SCAPER: variants seen among roughly 807,000 people sequenced by gnomAD.
SCAPER encodes the protein S phase cyclin A-associated protein in the endoplasmic reticulum.
A neutral mutation model predicts 182.2 loss-of-function variants in SCAPER; 98 were observed. The observed-to-expected ratio is 0.54, with a 90% confidence interval of 0.46 to 0.64. SCAPER has a LOEUF of 0.64. Among genes scored for constraint, SCAPER ranks in the 30% least tolerant of loss-of-function variants. SCAPER has a pLI of 0.00. For synonymous variants in SCAPER, 605 were observed against 564.6 expected (o/e 1.07, Z -1.01); for missense variants, 1,432 against 1,690.0 (o/e 0.85, Z 2.68).
chr15:76,813,001 T>C (rs1189745416), intron 5 of SCAPER, among the ~76,000 whole-genome samples: 2 of 135,252 alleles, frequency 1.5e-5, no homozygotes, highest in Non-Finnish European at 3.2e-5. Flanking sequence ...ATGATGAATA[T>C]ACACACAAAA....
At chr15:76,676,424 C>T (rs1031976789) in intron 20 of SCAPER, among the ~76,000 whole-genome samples, 6 of 152,292 alleles carry the variant, frequency 3.9e-5, no homozygotes, top group African/African-American at 1.4e-4. Flanking sequence ...AGTCACATTT[C>T]ATAACAATCT....
chr15:76,782,031 C>A (rs1303184264), intron 8 of SCAPER, among the ~76,000 whole-genome samples: 2 of 152,142 alleles, frequency 1.3e-5, no homozygotes, highest in Non-Finnish European at 2.9e-5. Flanking sequence ...CAAATTCACA[C>A]ATAATAATAT....
intron 15 of SCAPER, among the ~76,000 whole-genome samples, chr15:76,735,313 C>T (rs112018666): frequency 1.3e-5 from 2 of 152,190 alleles, no homozygotes; most frequent in African/African-American, 4.8e-5. Flanking sequence ...TTAGAGGCTG[C>T]AGTGAGCCAT....
At chr15:76,721,051 G>A (rs976595606) in intron 17 of SCAPER, among the ~76,000 whole-genome samples, 72 of 152,172 alleles carry the variant, frequency 4.7e-4, no homozygotes, top group African/African-American at 1.6e-3. Flanking sequence ...GGGTTTTTAT[G>A]GTTTTAGGTC....
chr15:76,560,455 T>C (rs2046531973), intron 23 of SCAPER, among the ~76,000 whole-genome samples: 1 of 148,110 alleles, frequency 6.8e-6, no homozygotes, highest in Non-Finnish European at 1.5e-5. Flanking sequence ...AGCCACACAA[T>C]TCTTCGGGAT....
chr15:76,619,825 C>A (rs1432682919), intron 22 of SCAPER, among the ~76,000 whole-genome samples: 1 of 152,136 alleles, frequency 6.6e-6, no homozygotes, highest in Non-Finnish European at 1.5e-5. Flanking sequence ...TGCCTGTAAT[C>A]CTAGCACTTT....
chr15:76,650,530 G>A (rs974453179), intron 21 of SCAPER, among the ~76,000 whole-genome samples: 1 of 151,770 alleles, frequency 6.6e-6, no homozygotes, highest in Non-Finnish European at 1.5e-5. Flanking sequence ...AGAAAAACTG[G>A]AAAAAACCTG....
At chr15:76,639,411 G>A (rs2053917745) in intron 21 of SCAPER, among the ~76,000 whole-genome samples, 1 of 152,136 alleles carries the variant, frequency 6.6e-6, no homozygotes, top group Non-Finnish European at 1.5e-5. Flanking sequence ...GAAAGGCGCA[G>A]GGATTGCCCC....
chr15:76,815,726 G>A lies in SCAPER; in HGVS notation c.394-11093C>T, dbSNP rs868140694. 3.3e-5 allele frequency among the ~76,000 whole-genome samples: 5 copies of A among 152,234 alleles called. No individual in the cohort carries two copies. The South Asian group carries it at 8.3e-4, about 25-fold the overall frequency. On this transcript the variant is annotated intron_variant, in intron 5 of 31. Transcript: ENST00000563290. ...AAACCCTATTGTGAGCGGCACATGT[G>A]AAGGATCTAGGTTGAGTGCTCCTTA...
chr15:76,641,152 T>A (rs547353832), intron 21 of SCAPER, among the ~76,000 whole-genome samples: 2 of 152,344 alleles, frequency 1.3e-5, no homozygotes, highest in African/African-American at 2.4e-5. Context: ...ATGGATTGTC[T>A]GTAACCAGCT....
chr15:76,549,159 AG>A (rs1433404597), intron 23 of SCAPER, among the ~76,000 whole-genome samples: 2 of 151,968 alleles, frequency 1.3e-5, no homozygotes, highest in Admixed American at 6.6e-5. Context: ...ACTCCTCAAA[AG>A]AAGACATTGA....
At chr15:76,650,587 T>C (rs186335013) in intron 21 of SCAPER, among the ~76,000 whole-genome samples, 3 of 152,068 alleles carry the variant, frequency 2.0e-5, no homozygotes, top group Admixed American at 2.0e-4. Context: ...AATGTGGACA[T>C]TCTTTTTGAA....
intron 3 of SCAPER, among the ~76,000 whole-genome samples, chr15:76,860,134 T>C (rs1233580341): frequency 6.6e-6 from 1 of 152,236 alleles, no homozygotes; most frequent in East Asian, 1.9e-4. Context: ...TTATTATATT[T>C]TCTTTCCTTT....
chr15:76,845,225 A>G (rs956682149), intron 4 of SCAPER, among the ~76,000 whole-genome samples: 1 of 152,170 alleles, frequency 6.6e-6, no homozygotes, highest in African/African-American at 2.4e-5. Context: ...ATACCCCAAC[A>G]TAATAAAAGA....
At chr15:76,351,809 A>G (rs1179017025) in intron 30 of SCAPER, among the ~76,000 whole-genome samples, 1 of 152,242 alleles carries the variant, frequency 6.6e-6, no homozygotes, top group Admixed American at 6.5e-5. Flanking sequence ...ATTATAAACT[A>G]AAATCCTATC....
chr15:76,731,136 T>C (rs963310792), intron 16 of SCAPER, among the ~76,000 whole-genome samples: 53 of 152,246 alleles, frequency 3.5e-4, no homozygotes, highest in Admixed American at 6.5e-5. Context: ...CATGACTTTA[T>C]AAAATAATAT....
At chr15:76,683,730 A>G (rs897992083) in intron 20 of SCAPER, among the ~76,000 whole-genome samples, 2 of 151,928 alleles carry the variant, frequency 1.3e-5, no homozygotes, top group East Asian at 1.9e-4. Flanking sequence ...GAAACCTTAC[A>G]AGACAGAAGA....
At chr15:76,869,895 T>C (rs1250248527) in intron 2 of SCAPER, among the ~76,000 whole-genome samples, 3 of 152,172 alleles carry the variant, frequency 2.0e-5, no homozygotes, top group Admixed American at 2.0e-4. Flanking sequence ...ATATACAAAG[T>C]TGAATATCAT....
At chr15:76,415,750 C>G (rs2045602294) in intron 26 of SCAPER, among the ~76,000 whole-genome samples, 1 of 152,022 alleles carries the variant, frequency 6.6e-6, no homozygotes, top group African/African-American at 2.4e-5. Context: ...AAACTCTTAA[C>G]AGTGATATAC....
Sources: gnomAD v4.1 joint callset for allele counts (sites outside exome capture counted in the v4.1 genomes callset) on GRCh38, gnomAD v4.1.1 for gene constraint, MANE v1.5 for transcripts, NCBI Gene and HGNC (gene_info 2026-07-23, HGNC 2026-07-21) for gene names.